CRYL1: variants seen among roughly 807,000 people sequenced by gnomAD.
CRYL1 encodes the protein crystallin lambda 1, also known as lambda-crystallin homolog.
Under a neutral mutation model 36.6 loss-of-function variants are expected in CRYL1, and 29 were observed. The observed-to-expected ratio is 0.79, with a 90% CI of 0.59 to 1.08. The LOEUF is 1.08. Ranked by LOEUF, CRYL1 falls within the 50% of genes least tolerant of loss-of-function variation. CRYL1 has a pLI of 0.00. For missense variants in CRYL1, 411 were observed against 407.9 expected (o/e 1.01, Z -0.06); for synonymous variants, 152 against 151.5 (o/e 1.00, Z -0.02).
intron 3 of CRYL1, among the ~76,000 whole-genome samples, chr13:20,447,805 C>T (rs1482557647): frequency 6.6e-6 from 1 of 152,136 alleles, no homozygotes; most frequent in Admixed American, 6.5e-5. Context: ...CAATTCCCAA[C>T]TAAATTAATT....
chr13:20,418,929 G>T (rs2031734868), intron 5 of CRYL1: 1 of 152,162 alleles, frequency 6.6e-6, no homozygotes, highest in Non-Finnish European at 1.5e-5. Flanking sequence ...TTTATCTTAG[G>T]TGAGTGTCAA....
intron 4 of CRYL1, 82 bp downstream of exon 4, chr13:20,439,511 C>G (rs2032303858): frequency 9.5e-7 from 1 of 1,051,230 alleles, no homozygotes; most frequent in East Asian, 3.3e-5. Context: ...CCCCCCTCCC[C>G]CGCAAAAAAA....
At chr13:20,467,782 G>C (rs1330599860) in intron 3 of CRYL1, among the ~76,000 whole-genome samples, 1 of 152,112 alleles carries the variant, frequency 6.6e-6, no homozygotes, top group Non-Finnish European at 1.5e-5. Flanking sequence ...GATTGGGCTG[G>C]AAAGATAAAC....
chr13:20,519,599 GAA>G lies in CRYL1; in HGVS notation c.41+6153_41+6154del, dbSNP rs1491504968. Among the ~76,000 whole-genome samples the G allele has an allele frequency of 4.9e-5, 5 of 101,984 alleles. No homozygotes were observed. The East Asian group carries it at 2.2e-3, about 44-fold the overall frequency. 66.9% of individuals were successfully genotyped at this position (101,984 alleles called of 152,430 possible). On this transcript the variant is annotated intron_variant, in intron 1 of 7. Coordinates refer to ENST00000298248, the MANE Select transcript of CRYL1 (RefSeq NM_015974.3). Reference sequence around the variant, plus strand: ...GCAACATAGCGAGACCCCATCTTGGGAAGGGAAGGGGAGGGGAGGGGAGGGAA... The same window carrying G: ...GCAACATAGCGAGACCCCATCTTGGGGGGAAGGGGAGGGGAGGGGAGGGAA...
intron 3 of CRYL1, among the ~76,000 whole-genome samples, chr13:20,479,026 T>C (rs1440245176): frequency 1.3e-5 from 2 of 151,996 alleles, no homozygotes; most frequent in Admixed American, 6.6e-5. Context: ...CCTCCCCAAG[T>C]CTGTAAGGCC....
At chr13:20,432,472 G>A (rs913967804) in intron 4 of CRYL1, among the ~76,000 whole-genome samples, 176 bp from the exon 5 acceptor site, 5 of 152,050 alleles carry the variant, frequency 3.3e-5, no homozygotes, top group Admixed American at 3.3e-4. Context: ...AGAGAAAAAG[G>A]GAACCTGATG....
At chr13:20,522,672 A>C (rs1023467852) in intron 1 of CRYL1, among the ~76,000 whole-genome samples, 6 of 152,170 alleles carry the variant, frequency 3.9e-5, no homozygotes, top group Non-Finnish European at 8.8e-5. Flanking sequence ...TGATCCTGAA[A>C]GAGTGTGCCC....
In CRYL1 at chr13:20,498,356, ACACACCACTTACACACACTACG is replaced by A. The variant is rs1050568731; in HGVS notation, c.150-8882_150-8861del. Among the ~76,000 whole-genome samples the A allele has an allele frequency of 1.1e-4, 12 of 108,210 alleles. No homozygotes were observed. The East Asian group carries it at 1.4e-3, about 12-fold the overall frequency. The allele number at this position is 108,210 out of a possible 152,430, so 71.0% of individuals were successfully genotyped here. The stretch of plus-strand genomic sequence containing the variant: ...TGCACATACCTCATACACACACTAT[ACACACCACTTACACACACTACG>A]CACACCACATACATACTATGCACAC... On this transcript the variant is annotated intron_variant, in intron 2 of 7. Coordinates refer to ENST00000298248, the MANE Select transcript of CRYL1 (RefSeq NM_015974.3).
At chr13:20,413,855 T>A (rs2031586051) in intron 5 of CRYL1, among the ~76,000 whole-genome samples, 1 of 152,180 alleles carries the variant, frequency 6.6e-6, no homozygotes, top group Non-Finnish European at 1.5e-5. Context: ...GATTGAATTT[T>A]GCATGACAAA....
chr13:20,467,854 C>T (rs1159792358), intron 3 of CRYL1, among the ~76,000 whole-genome samples: 1 of 152,164 alleles, frequency 6.6e-6, no homozygotes, highest in Non-Finnish European at 1.5e-5. Context: ...CGGTCCCTGG[C>T]CTGTTAGGAA....
At chr13:20,467,333 A>C (rs2032959673) in intron 3 of CRYL1, among the ~76,000 whole-genome samples, 1 of 152,256 alleles carries the variant, frequency 6.6e-6, no homozygotes, top group Admixed American at 6.5e-5. Context: ...GTAGTAAAAA[A>C]TACACATAGA....
At chr13:20,504,563 C>T (rs1360009555) in intron 2 of CRYL1, among the ~76,000 whole-genome samples, 1 of 152,060 alleles carries the variant, frequency 6.6e-6, no homozygotes, top group Non-Finnish European at 1.5e-5. Context: ...GCCTTGGCCT[C>T]CCAAAGTGCT....
chr13:20,471,745 G>A (rs2033065116), intron 3 of CRYL1, among the ~76,000 whole-genome samples: 1 of 152,032 alleles, frequency 6.6e-6, no homozygotes, highest in Non-Finnish European at 1.5e-5. Context: ...CTGGTTCCAG[G>A]AACCCCATGG....
chr13:20,424,824 G>A (rs2031897942), intron 5 of CRYL1, among the ~76,000 whole-genome samples: 1 of 152,174 alleles, frequency 6.6e-6, no homozygotes, highest in East Asian at 1.9e-4. Context: ...GAGATACACG[G>A]AGCTCTGGAA....
chr13:20,472,634 C>G (rs1300303273), intron 3 of CRYL1, among the ~76,000 whole-genome samples: 1 of 152,252 alleles, frequency 6.6e-6, no homozygotes. Context: ...CAACCACTGC[C>G]TTTACCTCTA....
chr13:20,516,581 G>A (rs916184124), intron 1 of CRYL1, among the ~76,000 whole-genome samples: 3 of 151,862 alleles, frequency 2.0e-5, no homozygotes, highest in African/African-American at 7.3e-5. Flanking sequence ...CTGGGTTCAC[G>A]CCATTCTCCT....
intron 5 of CRYL1, among the ~76,000 whole-genome samples, chr13:20,424,785 T>C (rs1335003722): frequency 1.3e-5 from 2 of 152,094 alleles, no homozygotes; most frequent in East Asian, 3.9e-4. Flanking sequence ...GATGTGAGCC[T>C]CAGAGCAACA....
chr13:20,516,519 G>T (rs1026024617), intron 1 of CRYL1, among the ~76,000 whole-genome samples: 1 of 151,550 alleles, frequency 6.6e-6, no homozygotes, highest in Non-Finnish European at 1.5e-5. Context: ...TTGCTCTGTC[G>T]CCCAGGCTGG....
At position 20,512,513 on chromosome 13, in the gene CRYL1, T is replaced by C. The variant is rs201748334; in HGVS notation, c.79A>G (p.Ser27Gly). 1.1e-4 allele frequency: 172 copies of C among 1,614,130 alleles called. 1 individual carries two copies. The Middle Eastern group carries it at 2.0e-3, about 19-fold the overall frequency. The stretch of plus-strand genomic sequence containing the variant: ...TAGAGTTTCACCTGGAAGCCTCCAC[T>C]GGCAAACAGCATGGCCCAGCTTCGC... ...IGRSWAMLFA[S>G]GGFQVKLYDI... is the part of the protein sequence containing the mutation. The change falls in exon 2 of 8, where the codon AGT becomes GGT. Residue 27 changes from serine (S) to glycine (G), a missense_variant. Transcript: ENST00000298248.
Sources: gnomAD v4.1 joint callset for allele counts (sites outside exome capture counted in the v4.1 genomes callset) on GRCh38, gnomAD v4.1.1 for gene constraint, MANE v1.5 for transcripts, NCBI Gene and HGNC (gene_info 2026-07-23, HGNC 2026-07-21) for gene names.